The following SWT1 variants were observed in gnomAD, a reference collection of about 807,000 sequenced individuals.
SWT1 encodes transcriptional protein SWT1.
SWT1 carries 33 observed loss-of-function variants against 107.3 expected under a neutral mutation model. The observed-to-expected ratio is 0.31, with a 90% CI of 0.23 to 0.41. SWT1 has a LOEUF of 0.41. Ranked by LOEUF, SWT1 falls within the 10% of genes least tolerant of loss-of-function variation. The pLI is 1.00. For missense variants in SWT1, 898 were observed against 1,028.9 expected (o/e 0.87, Z 1.74); for synonymous variants, 345 against 348.3 (o/e 0.99, Z 0.11).
At chr1:185,204,654 T>G in intron 11 of SWT1, 46 bp from the exon 12 acceptor site, 1 of 1,108,864 alleles carries the variant, frequency 9.0e-7, no homozygotes, top group Non-Finnish European at 1.3e-6. Flanking sequence ...TGTATAATAA[T>G]TACTGTTAGC....
intron 10 of SWT1, among the ~76,000 whole-genome samples, chr1:185,197,724 A>G (rs1364102085): frequency 1.3e-5 from 2 of 151,680 alleles, no homozygotes; most frequent in African/African-American, 4.8e-5. Flanking sequence ...TTTTTTCTAG[A>G]TTTTCTAGTT....
At chr1:185,243,149 C>T (rs1661364048) in intron 16 of SWT1, among the ~76,000 whole-genome samples, 1 of 152,120 alleles carries the variant, frequency 6.6e-6, no homozygotes, top group African/African-American at 2.4e-5. Context: ...CACTCGGATG[C>T]CCAGGCTGGA....
intron 10 of SWT1, among the ~76,000 whole-genome samples, chr1:185,198,088 T>C (rs1657553006): frequency 6.6e-6 from 1 of 152,222 alleles, no homozygotes; most frequent in Non-Finnish European, 1.5e-5. Flanking sequence ...GCTATAAATT[T>C]CCCTCTAAAC....
intron 16 of SWT1, among the ~76,000 whole-genome samples, chr1:185,247,249 A>G (rs1310927112): frequency 6.6e-6 from 1 of 152,102 alleles, no homozygotes. Context: ...TGGAACTCCC[A>G]CCTTATCCCC....
intron 18 of SWT1, chr1:185,281,056 G>A (rs1434111408): frequency 1.5e-5 from 4 of 265,076 alleles, no homozygotes; most frequent in Non-Finnish European, 1.5e-5. Context: ...TGACAAAGAT[G>A]ATCTGATTTT....
At chr1:185,171,588 T>A (rs1176051931) in intron 4 of SWT1, 1 of 483,646 alleles carries the variant, frequency 2.1e-6, no homozygotes, top group Non-Finnish European at 4.0e-6. Flanking sequence ...TTGCAAAAAC[T>A]GCTCAAAATT....
At chr1:185,221,726 A>G (rs1659670686) in intron 14 of SWT1, 123 bp from the exon 15 acceptor site, 2 of 620,754 alleles carry the variant, frequency 3.2e-6, no homozygotes, top group Non-Finnish European at 5.4e-6. Context: ...GTACATAATA[A>G]AAGAAAAAGA....
chr1:185,192,891 G>C (rs143410957), intron 10 of SWT1, among the ~76,000 whole-genome samples: 1 of 151,840 alleles, frequency 6.6e-6, no homozygotes, highest in African/African-American at 2.4e-5. Flanking sequence ...CAGATGATCC[G>C]GCCACCTCGG....
At chr1:185,159,604 CAAG>C (rs1486355969) in intron 1 of SWT1, among the ~76,000 whole-genome samples, 4 of 152,162 alleles carry the variant, frequency 2.6e-5, no homozygotes, top group Non-Finnish European at 5.9e-5. Flanking sequence ...ACGGCACACT[CAAG>C]GAGCTCAGTG....
chr1:185,225,674 C>T (rs182274227), intron 15 of SWT1, among the ~76,000 whole-genome samples: 1 of 152,204 alleles, frequency 6.6e-6, no homozygotes, highest in East Asian at 1.9e-4. Flanking sequence ...ATAGGCTATA[C>T]CATACAGCCT....
chr1:185,180,139 G>T lies in SWT1; in HGVS notation c.967-252G>T, dbSNP rs1655896218. 5.3e-5 allele frequency among the ~76,000 whole-genome samples: 8 copies of T among 152,226 alleles called. 1 individual carries two copies. The South Asian group carries it at 1.7e-3, about 32-fold the overall frequency. On this transcript the variant is annotated intron_variant, in intron 5 of 18. Transcript: ENST00000367500. ...GTTGAGGCTGTGGTGAATCACAGTT[G>T]TGCCATTGCACTCCAGTTTGGGTGA...
At chr1:185,262,420 A>C (rs933043703) in intron 16 of SWT1, 7 of 152,208 alleles carry the variant, frequency 4.6e-5, no homozygotes, top group African/African-American at 1.7e-4. Flanking sequence ...AAAGCAAAGA[A>C]AGTATTTAAC....
chr1:185,260,886 A>T (rs1311008237), intron 16 of SWT1, among the ~76,000 whole-genome samples: 1 of 151,870 alleles, frequency 6.6e-6, no homozygotes, highest in East Asian at 1.9e-4. Context: ...TGACACATGA[A>T]ATTTTTCTTG....
intron 18 of SWT1, among the ~76,000 whole-genome samples, chr1:185,280,016 A>G (rs773239565): frequency 6.6e-6 from 1 of 152,080 alleles, no homozygotes; most frequent in Non-Finnish European, 1.5e-5. Context: ...GTGCCCTGAT[A>G]TGGTTAGGTT....
intron 18 of SWT1, 96 bp downstream of exon 18, chr1:185,276,764 A>G (rs1664267518): frequency 1.8e-6 from 1 of 568,782 alleles, no homozygotes; most frequent in East Asian, 3.1e-5. Context: ...GTGTTTTTTC[A>G]TTGTCTTTTC....
At chr1:185,195,883 C>T (rs1657343316) in intron 10 of SWT1, among the ~76,000 whole-genome samples, 1 of 151,796 alleles carries the variant, frequency 6.6e-6, no homozygotes, top group African/African-American at 2.4e-5. Flanking sequence ...TTTGTCGATT[C>T]TGGATATTAG....
rs1040866534 is a variant in SWT1 at position 185,226,987 on chromosome 1, C to T, written c.2310-4590C>T. The T allele has an allele frequency of 6.4e-5, 56 of 869,392 alleles. No individual in the cohort carries two copies. The Admixed American group carries it at 7.1e-4, about 11-fold the overall frequency. The allele number at this position is 869,392 out of a possible 1,614,324, so 53.9% of individuals were successfully genotyped here. On this transcript the variant is annotated intron_variant, in intron 15 of 18. Transcript: ENST00000367500. The stretch of plus-strand genomic sequence containing the variant: ...GCAGCATGAGCTTTCTTACACATCT[C>T]CTCCATCATGTCTGGAGTTATGCTG...
At chr1:185,200,995 G>A (rs1010425152) in intron 10 of SWT1, among the ~76,000 whole-genome samples, 5 of 152,124 alleles carry the variant, frequency 3.3e-5, no homozygotes, top group African/African-American at 1.2e-4. Flanking sequence ...GTGGCTTTGG[G>A]GCGCTGCGGT....
At chr1:185,245,819 A>G (rs2102625304) in intron 16 of SWT1, among the ~76,000 whole-genome samples, 1 of 151,896 alleles carries the variant, frequency 6.6e-6, no homozygotes, top group East Asian at 1.9e-4. Context: ...CCCAGGCTGG[A>G]GCACAGTGGT....
Sources: gnomAD v4.1 joint callset for allele counts (sites outside exome capture counted in the v4.1 genomes callset) on GRCh38, gnomAD v4.1.1 for gene constraint, MANE v1.5 for transcripts, NCBI Gene and HGNC (gene_info 2026-07-23, HGNC 2026-07-21) for gene names.